TBCD: variants seen among roughly 807,000 people sequenced by gnomAD.
TBCD encodes the protein tubulin-specific chaperone D.
In TBCD, 105 loss-of-function variants were observed where a neutral mutation model predicts 169.3. The observed-to-expected ratio is 0.62, with a 90% CI of 0.53 to 0.73. TBCD has a LOEUF of 0.73. Ranked by LOEUF, TBCD falls within the 30% of genes least tolerant of loss-of-function variation. The pLI is 0.00. For synonymous variants in TBCD, 700 were observed against 643.9 expected (o/e 1.09, Z -1.32); for missense variants, 1,444 against 1,600.1 (o/e 0.90, Z 1.66).
At chr17:82,855,532 G>T (rs751690650) in intron 13 of TBCD, among the ~76,000 whole-genome samples, 1 of 151,824 alleles carries the variant, frequency 6.6e-6, no homozygotes, top group Non-Finnish European at 1.5e-5. Context: ...CCTCCTGAAG[G>T]GCTGGGATTA....
At chr17:82,812,768 C>T (rs1350585061) in intron 12 of TBCD, among the ~76,000 whole-genome samples, 1 of 152,180 alleles carries the variant, frequency 6.6e-6, no homozygotes, top group Non-Finnish European at 1.5e-5. Context: ...GTCTCTGTCT[C>T]CTGACCTTGT....
chr17:82,775,924 G>A (rs1252485248), intron 6 of TBCD, among the ~76,000 whole-genome samples: 1 of 152,028 alleles, frequency 6.6e-6, no homozygotes, highest in Non-Finnish European at 1.5e-5. Context: ...CCCTTTAATA[G>A]ATATGCCTTT....
chr17:82,801,157 G>T (rs1216379956), intron 9 of TBCD, among the ~76,000 whole-genome samples, 161 bp downstream of exon 9: 1 of 148,900 alleles, frequency 6.7e-6, no homozygotes, highest in African/African-American at 2.5e-5. Flanking sequence ...GCGCCATGGG[G>T]TGGGGAGGCA....
chr17:82,916,488 A>ACCCACCTC (rs1353030753), intron 23 of TBCD, among the ~76,000 whole-genome samples: 1 of 146,890 alleles, frequency 6.8e-6, no homozygotes, highest in Non-Finnish European at 1.5e-5. Flanking sequence ...CAGGTGATCC[A>ACCCACCTC]CCCACCTCGG....
intron 13 of TBCD, among the ~76,000 whole-genome samples, chr17:82,869,321 C>T (rs1376096479): frequency 6.6e-6 from 1 of 152,140 alleles, no homozygotes; most frequent in Admixed American, 6.5e-5. Flanking sequence ...TGTAAAAAAT[C>T]GGGTAGCCTG....
At chr17:82,791,926 A>G (rs2049761751) in intron 7 of TBCD, among the ~76,000 whole-genome samples, 1 of 152,218 alleles carries the variant, frequency 6.6e-6, no homozygotes, top group African/African-American at 2.4e-5. Flanking sequence ...CCCAGGCTGC[A>G]AACCTGTACA....
intron 21 of TBCD, chr17:82,908,181 C>T (rs935025859): frequency 4.1e-5 from 16 of 387,812 alleles, no homozygotes; most frequent in East Asian, 3.4e-4. Flanking sequence ...CCGGGGCGCG[C>T]GGCTGCGGTC....
intron 9 of TBCD, among the ~76,000 whole-genome samples, chr17:82,802,215 A>G (rs1326448708): frequency 3.3e-5 from 5 of 150,180 alleles, no homozygotes; most frequent in Non-Finnish European, 7.4e-5. Context: ...TCTCAAGGAG[A>G]CAGACTTTTC....
intron 3 of TBCD, 77 bp from the exon 4 acceptor site, chr17:82,766,190 G>T: frequency 1.7e-6 from 2 of 1,189,642 alleles, no homozygotes; most frequent in Non-Finnish European, 1.2e-6. Flanking sequence ...GGTGATTTTT[G>T]ATGAAAGGGT....
intron 13 of TBCD, among the ~76,000 whole-genome samples, chr17:82,827,629 C>T (rs929446388): frequency 3.3e-5 from 5 of 152,166 alleles, no homozygotes; most frequent in Admixed American, 2.0e-4. Flanking sequence ...TACATGTGCA[C>T]ACTGACACAT....
At chr17:82,838,836 C>G in intron 13 of TBCD, 1 of 985,408 alleles carries the variant, frequency 1.0e-6, no homozygotes, top group Non-Finnish European at 1.2e-6. Flanking sequence ...GACCTGAGCT[C>G]GTAAACAAAC....
At chr17:82,895,474 AT>A (rs1419162372) in intron 17 of TBCD, among the ~76,000 whole-genome samples, 2 of 152,174 alleles carry the variant, frequency 1.3e-5, no homozygotes, top group African/African-American at 4.8e-5. Context: ...CCTTTGAGCC[AT>A]AGTGAAGAGT....
In TBCD at chr17:82,923,578, G is replaced by A; in HGVS notation, c.2179-74G>A. On this transcript the variant is annotated intron_variant, in intron 25 of 38. Transcript: ENST00000355528. The surrounding 1 kb of genome is among the most constrained non-coding windows in gnomAD (Gnocchi z 4.6). Reference sequence around the variant, plus strand: ...TCAGGTGCTTCTCCGACTTCAGAGTGACCTGCTCTGTCCCTGGCCGGGGGC... The same window carrying A: ...TCAGGTGCTTCTCCGACTTCAGAGTAACCTGCTCTGTCCCTGGCCGGGGGC... The A allele has an allele frequency of 7.9e-7, 1 of 1,265,900 alleles. No individual in the cohort carries two copies. Among genetic ancestry groups the A allele is most frequent in the Non-Finnish European group, 1.1e-6 (1 of 896,322 alleles). The allele number at this position is 1,265,900 out of a possible 1,614,324, so 78.4% of individuals were successfully genotyped here.
intron 11 of TBCD, among the ~76,000 whole-genome samples, chr17:82,809,503 C>A (rs750229296): frequency 6.6e-6 from 1 of 152,172 alleles, no homozygotes; most frequent in Non-Finnish European, 1.5e-5. Flanking sequence ...CACTCGTCCC[C>A]TTTGAATCTG....
At chr17:82,895,395 G>A (rs2059407244) in intron 17 of TBCD, among the ~76,000 whole-genome samples, 1 of 152,218 alleles carries the variant, frequency 6.6e-6, no homozygotes, top group Admixed American at 6.5e-5. Flanking sequence ...AGAGGGCATG[G>A]GACTGAGCAC....
chr17:82,758,172 T>C lies in TBCD; in HGVS notation c.235+1957T>C, dbSNP rs1258304306. Among the ~76,000 whole-genome samples the C allele has an allele frequency of 3.3e-5, 5 of 151,794 alleles. No homozygotes were observed. In the East Asian group the frequency reaches 9.6e-4, roughly 29 times the overall value. Reference sequence around the variant, plus strand: ...GGGAGGCCGGGGCGGGTGGATCACCTGAGGTCAGGAGTTTGAGACCAGCCT... The same window carrying C: ...GGGAGGCCGGGGCGGGTGGATCACCCGAGGTCAGGAGTTTGAGACCAGCCT... On this transcript the variant is annotated intron_variant, in intron 2 of 38. Coordinates refer to ENST00000355528, the MANE Select transcript of TBCD (RefSeq NM_005993.5).
intron 38 of TBCD, 120 bp from the exon 39 acceptor site, chr17:82,942,329 A>G: frequency 6.9e-7 from 1 of 1,452,626 alleles, no homozygotes; most frequent in Non-Finnish European, 9.5e-7. Flanking sequence ...AACGGCACAA[A>G]TGGTTTCCTG....
At chr17:82,758,387 A>AAAAAAAAAAAAAT (rs2143830896) in intron 2 of TBCD, among the ~76,000 whole-genome samples, 2 of 124,848 alleles carry the variant, frequency 1.6e-5, no homozygotes, top group East Asian at 4.2e-4. Flanking sequence ...CGTCTCGGAA[A>AAAAAAAAAAAAAT]AAAAAAAAAA....
intron 13 of TBCD, chr17:82,860,287 G>A (rs2056647798): frequency 2.2e-5 from 19 of 845,410 alleles, no homozygotes; most frequent in Admixed American, 1.9e-4. Flanking sequence ...GAGGGCCCCC[G>A]CCCCCTGCAT....
Sources: gnomAD v4.1 joint callset for allele counts (sites outside exome capture counted in the v4.1 genomes callset) on GRCh38, gnomAD v4.1.1 for gene constraint, Gnocchi (gnomAD v3.1) non-coding constraint, MANE v1.5 for transcripts, NCBI Gene and HGNC (gene_info 2026-07-23, HGNC 2026-07-21) for gene names.